Variants in DLGAP2 observed in about 807,000 individuals in gnomAD.
DLGAP2 encodes the protein DLG associated protein 2, also known as disks large-associated protein 2.
A neutral mutation model predicts 100.3 loss-of-function variants in DLGAP2; 26 were observed. That is an observed-to-expected ratio of 0.26 (90% CI 0.19 to 0.36). The LOEUF is 0.36. Ranked by LOEUF, DLGAP2 falls within the 10% of genes least tolerant of loss-of-function variation. DLGAP2 has a pLI of 1.00. For synonymous variants in DLGAP2, 886 were observed against 630.1 expected (o/e 1.41, Z -6.08); for missense variants, 1,858 against 1,453.2 (o/e 1.28, Z -4.53).
At chr8:1,511,229 A>G (rs1236289271) in intron 4 of DLGAP2, among the ~76,000 whole-genome samples, 1 of 151,516 alleles carries the variant, frequency 6.6e-6, no homozygotes, top group Non-Finnish European at 1.5e-5. Context: ...GACAGTCAAT[A>G]GATGACCATC....
At chr8:825,189 C>T (rs1234719709) in intron 1 of DLGAP2, among the ~76,000 whole-genome samples, 2 of 152,190 alleles carry the variant, frequency 1.3e-5, no homozygotes, top group African/African-American at 2.4e-5. Context: ...TGCTACCGTA[C>T]GGCTGTCAGG....
intron 8 of DLGAP2, among the ~76,000 whole-genome samples, chr8:1,653,199 C>T (rs1470817466): frequency 6.6e-6 from 1 of 151,990 alleles, no homozygotes; most frequent in Non-Finnish European, 1.5e-5. Context: ...GCCGACAATC[C>T]TCACCACGCA....
At chr8:837,428 C>T (rs1035979545) in intron 1 of DLGAP2, among the ~76,000 whole-genome samples, 2 of 152,182 alleles carry the variant, frequency 1.3e-5, no homozygotes, top group South Asian at 2.1e-4. Flanking sequence ...AACTGAAGCA[C>T]GATGAGAATA....
At chr8:1,040,637 G>C (rs1238868986) in intron 2 of DLGAP2, among the ~76,000 whole-genome samples, 2 of 150,740 alleles carry the variant, frequency 1.3e-5, no homozygotes, top group African/African-American at 2.5e-5. Context: ...GATTTCCGTG[G>C]TTGGCTCGGT....
At position 1,319,296 on chromosome 8, in the gene DLGAP2, A is replaced by G. The variant is rs547748200; in HGVS notation, c.106+60413A>G. On this transcript the variant is annotated intron_variant, in intron 3 of 14. Coordinates refer to ENST00000637795, the MANE Select transcript of DLGAP2 (RefSeq NM_001346810.2). ...CTCTGCCACAATGTGTGCTGGTAAA[A>G]TGAATCCCCTGAAACCTGAGACCAA... Among the ~76,000 whole-genome samples, 4 of 152,312 alleles carry G rather than the reference A, an allele frequency of 2.6e-5. No homozygotes were observed. In the South Asian group the frequency reaches 8.3e-4, roughly 32 times the overall value.
At chr8:1,169,481 C>T (rs1797084498) in intron 2 of DLGAP2, among the ~76,000 whole-genome samples, 2 of 152,236 alleles carry the variant, frequency 1.3e-5, no homozygotes, top group African/African-American at 4.8e-5. Context: ...GCAATATGGC[C>T]ATTTTCATGA....
At chr8:1,351,426 G>A (rs1339314755) in intron 3 of DLGAP2, among the ~76,000 whole-genome samples, 1 of 44,634 alleles carries the variant, frequency 2.2e-5, no homozygotes, top group Non-Finnish European at 4.7e-5. Flanking sequence ...GGTCCTGACT[G>A]TGTGTGGAAA....
chr8:1,283,358 C>T (rs573894145), intron 3 of DLGAP2, among the ~76,000 whole-genome samples: 4 of 152,226 alleles, frequency 2.6e-5, no homozygotes, highest in Non-Finnish European at 4.4e-5. Flanking sequence ...TGTCCCTCTT[C>T]GTCCCCTCAA....
chr8:1,209,754 C>G (rs1798065451), intron 2 of DLGAP2, among the ~76,000 whole-genome samples: 1 of 152,094 alleles, frequency 6.6e-6, no homozygotes, highest in African/African-American at 2.4e-5. Context: ...AGGAATTAGT[C>G]ATAAGTGAGC....
intron 8 of DLGAP2, among the ~76,000 whole-genome samples, chr8:1,654,947 A>G (rs1798250069): frequency 6.6e-6 from 1 of 152,238 alleles, no homozygotes. Flanking sequence ...AGAAAATACA[A>G]GTTCTCGCCG....
intron 8 of DLGAP2, among the ~76,000 whole-genome samples, chr8:1,658,925 G>T (rs1335857872): frequency 6.6e-6 from 1 of 151,908 alleles, no homozygotes; most frequent in Non-Finnish European, 1.5e-5. Context: ...GTGATGTTAG[G>T]GTGTCAATTT....
intron 2 of DLGAP2, among the ~76,000 whole-genome samples, chr8:1,113,915 G>A (rs1360329093): frequency 6.6e-6 from 1 of 152,016 alleles, no homozygotes; most frequent in Non-Finnish European, 1.5e-5. Flanking sequence ...AAGAGGTATT[G>A]GATTTTATTA....
intron 3 of DLGAP2, among the ~76,000 whole-genome samples, chr8:1,365,311 C>T (rs113925010): frequency 2.4e-4 from 36 of 152,268 alleles, no homozygotes; most frequent in African/African-American, 7.7e-4. Flanking sequence ...GATCTCCGCA[C>T]CGAGGCTGCA....
At chr8:1,498,829 A>T (rs1364387761) in intron 3 of DLGAP2, among the ~76,000 whole-genome samples, 1 of 152,226 alleles carries the variant, frequency 6.6e-6, no homozygotes, top group Non-Finnish European at 1.5e-5. Flanking sequence ...GGCTGAAAAT[A>T]CAAAGCCTCG....
intron 8 of DLGAP2, among the ~76,000 whole-genome samples, chr8:1,666,025 TC>T (rs1798535856): frequency 6.6e-6 from 1 of 152,136 alleles, no homozygotes; most frequent in Admixed American, 6.5e-5. Flanking sequence ...ACGGACCTCA[TC>T]CCTGCCAAGG....
At chr8:1,170,297 G>A (rs1435426209) in intron 2 of DLGAP2, among the ~76,000 whole-genome samples, 11 of 151,980 alleles carry the variant, frequency 7.2e-5, no homozygotes, top group Non-Finnish European at 1.5e-4. Flanking sequence ...GTATTTTATT[G>A]AGGATTTTTG....
rs557603092 is a variant in DLGAP2 at position 888,750 on chromosome 8, G to C, written c.19-19162G>C. ...TGGAGAACAGCCAAGATGGGTGCCT[G>C]TTCCTTCTTCTGGGACCTCTGACCT... On this transcript the variant is annotated intron_variant, in intron 1 of 14. Coordinates refer to ENST00000637795, the MANE Select transcript of DLGAP2 (RefSeq NM_001346810.2). Among the ~76,000 whole-genome samples the C allele has an allele frequency of 2.6e-5, 4 of 152,202 alleles. No homozygotes were observed. In the South Asian group the frequency reaches 6.2e-4, roughly 24 times the overall value.
intron 1 of DLGAP2, among the ~76,000 whole-genome samples, chr8:843,615 C>T (rs140520604): frequency 3.9e-4 from 60 of 152,360 alleles, no homozygotes; most frequent in Non-Finnish European, 7.2e-4. Context: ...GTATTTTGCA[C>T]TCCCTGGGCT....
intron 2 of DLGAP2, among the ~76,000 whole-genome samples, chr8:1,064,400 T>G (rs1320597998): frequency 6.6e-6 from 1 of 152,164 alleles, no homozygotes; most frequent in Non-Finnish European, 1.5e-5. Context: ...CAGGGTGCTG[T>G]TTGGGGATGT....
Sources: gnomAD v4.1 joint callset for allele counts (sites outside exome capture counted in the v4.1 genomes callset) on GRCh38, gnomAD v4.1.1 for gene constraint, MANE v1.5 for transcripts, NCBI Gene and HGNC (gene_info 2026-07-23, HGNC 2026-07-21) for gene names.